Variants in MBD5 observed in about 807,000 individuals in gnomAD.
MBD5 encodes methyl-CpG binding domain protein 5.
Under a neutral mutation model 117.3 loss-of-function variants are expected in MBD5, and 13 were observed. The ratio of observed to expected loss-of-function variants is 0.11; its 90% CI spans 0.07 to 0.18. The LOEUF is 0.18. Ranked by LOEUF, MBD5 falls within the 10% of genes least tolerant of loss-of-function variation. MBD5 has a pLI of 1.00. For missense variants in MBD5, 1,879 were observed against 2,093.8 expected (o/e 0.90, Z 2.00); for synonymous variants, 727 against 766.4 (o/e 0.95, Z 0.85).
rs151136215 is a variant in MBD5 at position 148,424,093 on chromosome 2, G to A, written c.-556-34110G>A. 8.9e-3 allele frequency among the ~76,000 whole-genome samples: 1,278 copies of A among 143,464 alleles called. 22 individuals are homozygous for A. Among genetic ancestry groups the A allele is most frequent in the African/African-American group, 0.032 (1,230 of 38,778 alleles). The allele number at this position is 143,464 out of a possible 152,430, so 94.1% of individuals were successfully genotyped here. ...CTCAGGAGGCTGAGGCAGGAGAATGGCATGAACCCAGGAGGCGGAGCTTGC... is the reference window on the plus strand; with the variant it reads ...CTCAGGAGGCTGAGGCAGGAGAATGACATGAACCCAGGAGGCGGAGCTTGC... On this transcript the variant is annotated intron_variant, in intron 4 of 13. Transcript: ENST00000642680.
chr2:148,364,175 G>A (rs574104996), intron 4 of MBD5, among the ~76,000 whole-genome samples: 4 of 152,318 alleles, frequency 2.6e-5, no homozygotes, highest in Non-Finnish European at 2.9e-5. Flanking sequence ...CCAGAAAAGA[G>A]TGGGGGCCAA....
intron 1 of MBD5, among the ~76,000 whole-genome samples, chr2:148,040,334 C>A (rs1377171621): frequency 6.6e-6 from 1 of 151,866 alleles, no homozygotes; most frequent in Non-Finnish European, 1.5e-5. Flanking sequence ...TCCAGCCTTT[C>A]ATAAAAAAAT....
intron 4 of MBD5, among the ~76,000 whole-genome samples, chr2:148,424,449 C>T (rs1388038975): frequency 6.6e-6 from 1 of 151,246 alleles, no homozygotes; most frequent in African/African-American, 2.4e-5. Context: ...ACTTTAACAC[C>T]CCACTGTCAG....
chr2:148,070,131 A>G (rs1181897399), intron 1 of MBD5, among the ~76,000 whole-genome samples: 2 of 152,138 alleles, frequency 1.3e-5, no homozygotes, highest in Non-Finnish European at 2.9e-5. Context: ...GCCTCTGGTT[A>G]CTATCATTCT....
At chr2:148,257,458 T>C (rs930098887) in intron 3 of MBD5, among the ~76,000 whole-genome samples, 7 of 152,166 alleles carry the variant, frequency 4.6e-5, no homozygotes, top group African/African-American at 1.7e-4. Context: ...TGCCTGAATC[T>C]CATCAACGAT....
intron 1 of MBD5, among the ~76,000 whole-genome samples, chr2:148,141,848 A>G (rs1335157997): frequency 2.6e-5 from 4 of 151,920 alleles, no homozygotes; most frequent in Non-Finnish European, 5.9e-5. Flanking sequence ...ACAGTGGCTT[A>G]CATCCGTAAT....
intron 2 of MBD5, among the ~76,000 whole-genome samples, chr2:148,220,499 T>C (rs1180179930): frequency 2.0e-5 from 3 of 152,142 alleles, no homozygotes; most frequent in African/African-American, 2.4e-5. Flanking sequence ...GCAATTCTAA[T>C]ATCAAAAAGC....
At chr2:148,482,020 A>G (rs1001228155) in intron 8 of MBD5, among the ~76,000 whole-genome samples, 1 of 152,176 alleles carries the variant, frequency 6.6e-6, no homozygotes, top group African/African-American at 2.4e-5. Context: ...TCAGAATGGT[A>G]AAGATTCTTA....
At chr2:148,237,245 G>A (rs1192612599) in intron 3 of MBD5, among the ~76,000 whole-genome samples, 1 of 152,164 alleles carries the variant, frequency 6.6e-6, no homozygotes, top group Non-Finnish European at 1.5e-5. Context: ...TGCTTCAAGA[G>A]CTTTTCCTTT....
At chr2:148,451,479 G>C (rs966589681) in intron 4 of MBD5, among the ~76,000 whole-genome samples, 1 of 152,106 alleles carries the variant, frequency 6.6e-6, no homozygotes, top group Non-Finnish European at 1.5e-5. Context: ...TGAAGGAGCT[G>C]TTTGAATAAT....
At chr2:148,479,564 A>T (rs1345319281) in intron 8 of MBD5, among the ~76,000 whole-genome samples, 2 of 152,158 alleles carry the variant, frequency 1.3e-5, no homozygotes, top group East Asian at 3.8e-4. Flanking sequence ...GATGATTTCA[A>T]ATGTCTTCAC....
At chr2:148,438,547 T>G (rs907385324) in intron 4 of MBD5, among the ~76,000 whole-genome samples, 4 of 152,206 alleles carry the variant, frequency 2.6e-5, no homozygotes, top group Non-Finnish European at 4.4e-5. Flanking sequence ...GGAAGGATAT[T>G]TGGCTTCTTG....
At chr2:148,461,847 T>C (rs1051669662) in intron 5 of MBD5, among the ~76,000 whole-genome samples, 5 of 152,182 alleles carry the variant, frequency 3.3e-5, no homozygotes, top group Non-Finnish European at 7.4e-5. Context: ...TGAAACTTCG[T>C]AACATTGAAG....
intron 1 of MBD5, among the ~76,000 whole-genome samples, chr2:148,047,178 A>G (rs536262249): frequency 1.3e-5 from 2 of 152,252 alleles, no homozygotes; most frequent in African/African-American, 4.8e-5. Flanking sequence ...TCCCCTTCTT[A>G]GTTAATGATG....
intron 3 of MBD5, among the ~76,000 whole-genome samples, chr2:148,278,212 G>T (rs1234054099): frequency 6.6e-6 from 1 of 152,250 alleles, no homozygotes; most frequent in Non-Finnish European, 1.5e-5. Context: ...TTGTTATTAT[G>T]ATATTGTGAT....
intron 1 of MBD5, among the ~76,000 whole-genome samples, chr2:148,113,522 G>C (rs973611757): frequency 6.6e-6 from 1 of 152,190 alleles, no homozygotes; most frequent in Non-Finnish European, 1.5e-5. Flanking sequence ...GTAGAGAAAT[G>C]ATTTCATTGC....
At chr2:148,406,374 A>G (rs1321932472) in intron 4 of MBD5, among the ~76,000 whole-genome samples, 1 of 152,188 alleles carries the variant, frequency 6.6e-6, no homozygotes, top group Non-Finnish European at 1.5e-5. Flanking sequence ...ATTATTGGTC[A>G]GAGTTAACTA....
intron 3 of MBD5, among the ~76,000 whole-genome samples, chr2:148,312,956 G>C (rs1702067735): frequency 1.3e-5 from 2 of 152,178 alleles, no homozygotes; most frequent in Admixed American, 6.5e-5. Context: ...TCCAGACCCT[G>C]TTTCGCTGGG....
At chr2:148,399,286 C>G (rs1704838868) in intron 4 of MBD5, among the ~76,000 whole-genome samples, 1 of 152,194 alleles carries the variant, frequency 6.6e-6, no homozygotes, top group Admixed American at 6.5e-5. Flanking sequence ...TATCCATGAG[C>G]ATGGAATGTT....
Sources: gnomAD v4.1 joint callset for allele counts (sites outside exome capture counted in the v4.1 genomes callset) on GRCh38, gnomAD v4.1.1 for gene constraint, MANE v1.5 for transcripts, NCBI Gene and HGNC (gene_info 2026-07-23, HGNC 2026-07-21) for gene names.